The following CCT6B variants were observed in gnomAD, a reference collection of about 807,000 sequenced individuals.
The protein encoded by CCT6B is chaperonin containing TCP1 subunit 6B, also known as probable T-complex protein 1 subunit zeta-2.
In CCT6B, 49 loss-of-function variants were observed where a neutral mutation model predicts 61.5. The observed-to-expected ratio is 0.80, with a 90% CI of 0.63 to 1.01. CCT6B has a LOEUF of 1.01. Among genes scored for constraint, CCT6B ranks in the 50% least tolerant of loss-of-function variants. The pLI is 0.00. For missense variants in CCT6B, 666 were observed against 634.7 expected (o/e 1.05, Z -0.53); for synonymous variants, 228 against 214.5 (o/e 1.06, Z -0.55).
intron 8 of CCT6B, 78 bp downstream of exon 8, chr17:34,940,461 A>G: frequency 1.3e-6 from 1 of 778,784 alleles, no homozygotes; most frequent in South Asian, 1.8e-5. Flanking sequence ...TTTACACATA[A>G]GCTAAAAGGA....
intron 1 of CCT6B, 55 bp from the exon 2 acceptor site, chr17:34,959,705 T>C: frequency 1.6e-6 from 2 of 1,235,800 alleles, no homozygotes; most frequent in Admixed American, 3.4e-5. Flanking sequence ...TTCCCAGTGC[T>C]TGCCACTCCA....
intron 5 of CCT6B, among the ~76,000 whole-genome samples, chr17:34,947,146 G>A (rs566745379): frequency 2.0e-5 from 3 of 152,144 alleles, no homozygotes; most frequent in South Asian, 4.2e-4. Flanking sequence ...AATGCAACAC[G>A]AAAGACAGCA....
intron 3 of CCT6B, among the ~76,000 whole-genome samples, chr17:34,958,073 C>T (rs932018533): frequency 6.6e-6 from 1 of 151,936 alleles, no homozygotes; most frequent in African/African-American, 2.4e-5. Context: ...TATATAATTC[C>T]AACGAAAGGC....
At chr17:34,931,612 T>C (rs1397944138) in intron 11 of CCT6B, among the ~76,000 whole-genome samples, 12 of 152,188 alleles carry the variant, frequency 7.9e-5, no homozygotes, top group Admixed American at 7.9e-4. Context: ...TAATGTGTAC[T>C]GGGGTTACCA....
At chr17:34,940,212 T>C (rs769085819) in intron 8 of CCT6B, among the ~76,000 whole-genome samples, 1 of 152,060 alleles carries the variant, frequency 6.6e-6, no homozygotes, top group Non-Finnish European at 1.5e-5. Context: ...GTAACCGCCA[T>C]TCTACTATCT....
chr17:34,937,949 T>C (rs1450116873), intron 10 of CCT6B, among the ~76,000 whole-genome samples: 1 of 151,700 alleles, frequency 6.6e-6, no homozygotes, highest in African/African-American at 2.4e-5. Context: ...AGTGCAGTGG[T>C]GTGATCATAG....
chr17:34,949,989 C>T (rs1475381499), intron 5 of CCT6B, among the ~76,000 whole-genome samples: 1 of 152,124 alleles, frequency 6.6e-6, no homozygotes, highest in African/African-American at 2.4e-5. Flanking sequence ...ATAACAAAAG[C>T]TGACTATACA....
chr17:34,960,273 A>ATACTTGACC (rs1290133213), intron 1 of CCT6B, among the ~76,000 whole-genome samples: 1 of 152,200 alleles, frequency 6.6e-6, no homozygotes, highest in Admixed American at 6.5e-5. Context: ...CAGCAATGAC[A>ATACTTGACC]TACTTGACCT....
intron 5 of CCT6B, among the ~76,000 whole-genome samples, chr17:34,945,105 C>G (rs1315510641): frequency 6.6e-6 from 1 of 152,186 alleles, no homozygotes; most frequent in Non-Finnish European, 1.5e-5. Context: ...TGACTGCCCC[C>G]TTCTCACTCC....
intron 3 of CCT6B, among the ~76,000 whole-genome samples, chr17:34,954,828 C>T (rs907163891): frequency 6.6e-6 from 1 of 152,052 alleles, no homozygotes; most frequent in Non-Finnish European, 1.5e-5. Context: ...TTTTTATTTC[C>T]AAAAATTATG....
In CCT6B at chr17:34,954,437, C is replaced by T. The variant is rs571695754; in HGVS notation, c.499G>A (p.Val167Ile). 6.2e-6 allele frequency: 10 copies of T among 1,604,952 alleles called. No individual in the cohort carries two copies. The African/African-American group carries it at 1.2e-4, about 19-fold the overall frequency. The part of the protein sequence containing the change: ...QTKVHAELAD[V>I]LTEVVVDSVL... ...GTTTAATAACATACCTCTGTTAAGA[C>T]ATCAGCCAGTTCAGCATGAACTTTA... Residue 167 changes from valine to isoleucine, a missense_variant, in exon 4 of 14, where the codon GTC becomes ATC. Val to Ile is a conservative substitution (Grantham distance 29). Coordinates refer to ENST00000314144, the MANE Select transcript of CCT6B (RefSeq NM_006584.4).
Position 34,952,016 on chromosome 17 carries a change from C to T in CCT6B, c.548G>A (p.Gly183Asp). 1 of 1,609,994 alleles carries T rather than the reference C, an allele frequency of 6.2e-7. No homozygotes were observed. Among genetic ancestry groups the T allele is most frequent in the Non-Finnish European group, 8.5e-7 (1 of 1,177,072 alleles). Residue 183 changes from glycine (G) to aspartate (D), a missense_variant, in exon 5 of 14, where the codon GGT becomes GAT. Gly to Asp is a moderately conservative substitution (Grantham distance 94). Transcript: ENST00000314144. ...TACCATGAAGAGATCAATAGGGTAA[C>T]CTGGTCTTCTAACAGCCAAAACAGA... ...VDSVLAVRRP[G>D]YPIDLFMVEI...
At chr17:34,958,077 G>A (rs905154743) in intron 3 of CCT6B, among the ~76,000 whole-genome samples, 3 of 152,014 alleles carry the variant, frequency 2.0e-5, no homozygotes, top group Non-Finnish European at 2.9e-5. Flanking sequence ...TAATTCCAAC[G>A]AAAGGCATTA....
At chr17:34,943,599 C>T (rs905022612) in intron 5 of CCT6B, 23 of 152,030 alleles carry the variant, frequency 1.5e-4, no homozygotes, top group Non-Finnish European at 2.9e-4. Context: ...GAACATCACA[C>T]ACCGGGGCCT....
chr17:34,929,515 T>C (rs929042026), intron 12 of CCT6B, among the ~76,000 whole-genome samples: 1 of 40,986 alleles, frequency 2.4e-5, no homozygotes, highest in African/African-American at 5.2e-5. Context: ...TTTTGGTGTT[T>C]TTTGTTTTTG....
In CCT6B at chr17:34,942,535, C is replaced by T. The variant is rs200240575; in HGVS notation, c.834G>A (p.Lys278=). Residue 278 remains lysine, a synonymous_variant, in exon 7 of 14, where the codon AAG becomes AAA. Coordinates refer to ENST00000314144, the MANE Select transcript of CCT6B (RefSeq NM_006584.4). ...TATTTGACTGAGCACAGACTTTGTC[C>T]TTCAGGTCTATTATTTTTTGTACTC... The part of the protein sequence containing the change: ...EDRVQKIIDL[K]DKVCAQSNKG... 2.5e-4 allele frequency: 396 copies of T among 1,603,900 alleles called. 5 individuals are homozygous for T. The South Asian group carries it at 3.9e-3, about 16-fold the overall frequency.
At chr17:34,931,433 A>C (rs1282102676) in intron 11 of CCT6B, among the ~76,000 whole-genome samples, 1 of 152,164 alleles carries the variant, frequency 6.6e-6, no homozygotes, top group Non-Finnish European at 1.5e-5. Context: ...AGTTCTTCAT[A>C]GGCACTTGCT....
intron 5 of CCT6B, among the ~76,000 whole-genome samples, chr17:34,946,341 A>G (rs944340812): frequency 1.3e-5 from 2 of 152,170 alleles, no homozygotes; most frequent in Admixed American, 1.3e-4. Flanking sequence ...TATAATAAAC[A>G]CCAGAAAGGG....
chr17:34,945,547 C>T (rs2090214227), intron 5 of CCT6B, among the ~76,000 whole-genome samples: 1 of 152,200 alleles, frequency 6.6e-6, no homozygotes, highest in Non-Finnish European at 1.5e-5. Flanking sequence ...CCCTTTCCTT[C>T]TAAGTACATC....
Sources: allele counts gnomAD v4.1 joint callset (sites outside exome capture counted in the v4.1 genomes callset), GRCh38; gene constraint gnomAD v4.1.1; transcripts MANE v1.5; gene names NCBI Gene and HGNC (gene_info 2026-07-23, HGNC 2026-07-21).